The following UNC13C variants were observed in gnomAD, a reference collection of about 807,000 sequenced individuals.
UNC13C encodes the protein unc-13 homolog C, also known as protein unc-13 homolog C.
A neutral mutation model predicts 245.4 loss-of-function variants in UNC13C; 174 were observed. The ratio of observed to expected loss-of-function variants is 0.71; its 90% CI spans 0.63 to 0.80. The LOEUF (loss-of-function observed/expected upper bound fraction) is 0.80. Ranked by LOEUF, UNC13C falls within the 30% of genes least tolerant of loss-of-function variation. The pLI is 0.00. For missense variants in UNC13C, 2,829 were observed against 2,602.9 expected, an observed-to-expected ratio of 1.09 and a Z score of -1.89; for synonymous variants, 992 against 895.1, an observed-to-expected ratio of 1.11 and a Z score of -1.93.
intron 2 of UNC13C, among the ~76,000 whole-genome samples, chr15:54,046,877 T>C (rs533641828): frequency 6.2e-4 from 94 of 151,792 alleles, no homozygotes; most frequent in African/African-American, 2.2e-3. Context: ...AAAAGAAACA[T>C]GTTAAAAATA....
intron 18 of UNC13C, among the ~76,000 whole-genome samples, chr15:54,402,022 C>A (rs2040197234): frequency 6.7e-6 from 1 of 149,838 alleles, no homozygotes; most frequent in African/African-American, 2.5e-5. Context: ...TGAAATGACA[C>A]ATGTATTTCA....
intron 19 of UNC13C, among the ~76,000 whole-genome samples, chr15:54,415,942 A>G (rs1017503944): frequency 6.6e-6 from 1 of 152,214 alleles, no homozygotes; most frequent in Non-Finnish European, 1.5e-5. Flanking sequence ...TGTAACTTTG[A>G]TAAAGACCTA....
At chr15:54,582,522 C>T (rs989995204) in intron 30 of UNC13C, among the ~76,000 whole-genome samples, 1 of 152,060 alleles carries the variant, frequency 6.6e-6, no homozygotes, top group Non-Finnish European at 1.5e-5. Context: ...AGAGGATAAA[C>T]GAAGTCACAG....
At chr15:54,108,054 C>CT (rs566147519) in intron 2 of UNC13C, among the ~76,000 whole-genome samples, 1 of 152,124 alleles carries the variant, frequency 6.6e-6, no homozygotes, top group Non-Finnish European at 1.5e-5. Flanking sequence ...TTTCAAGTGT[C>CT]TAACAATATA....
At chr15:54,181,046 G>A (rs1223771805) in intron 4 of UNC13C, among the ~76,000 whole-genome samples, 2 of 151,816 alleles carry the variant, frequency 1.3e-5, no homozygotes, top group Non-Finnish European at 2.9e-5. Flanking sequence ...TGCTTTTGAG[G>A]ACTTAGTCAT....
rs190453293 is a variant in UNC13C, at chr15:54,013,028, A to G, written c.125A>G (p.Gln42Arg). ...GAGTATCGTCAGCAGAAAAAGGATC[A>G]AGACTTCCCCACTGCTGGCCAGACC... ...NKEYRQQKKD[Q>R]DFPTAGQTKS... The change falls in exon 2 of 33, where the codon CAA becomes CGA. Residue 42 changes from glutamine (Q) to arginine (R), a missense_variant. Transcript: ENST00000260323. 163 of 1,613,886 alleles carry G rather than the reference A, an allele frequency of 1.0e-4. No homozygotes were observed. The highest frequency in any genetic ancestry group is 1.3e-4 in the Non-Finnish European group (158 of 1,179,846).
At chr15:54,101,248 CAG>C (rs1413274696) in intron 2 of UNC13C, among the ~76,000 whole-genome samples, 11 of 152,014 alleles carry the variant, frequency 7.2e-5, no homozygotes, top group African/African-American at 2.2e-4. Flanking sequence ...GCTGGTAGCA[CAG>C]AGACAGAATA....
At chr15:54,343,091 G>T (rs2038772934) in intron 17 of UNC13C, among the ~76,000 whole-genome samples, 2 of 151,292 alleles carry the variant, frequency 1.3e-5, no homozygotes, top group African/African-American at 4.9e-5. Flanking sequence ...TTACCTAAAG[G>T]CTAAGATTGA....
the UNC13C span, among the ~76,000 whole-genome samples, chr15:53,876,795 A>C: frequency 6.6e-6 from 1 of 152,232 alleles, no homozygotes; most frequent in African/African-American, 2.4e-5. Context: ...ATAAAAAACA[A>C]CATAGTAACT....
At position 54,381,394 on chromosome 15, in the gene UNC13C, C is replaced by CT. The variant is rs756548006; in HGVS notation, c.4714-11646dup. Among the ~76,000 whole-genome samples the CT allele has an allele frequency of 7.3e-4, 110 of 151,106 alleles. No individual in the cohort carries two copies. In the East Asian group the frequency reaches 0.017, roughly 23 times the overall value. On this transcript the variant is annotated intron_variant, in intron 17 of 32. Coordinates refer to ENST00000260323, the MANE Select transcript of UNC13C (RefSeq NM_001080534.3). ...AAGTCAGGTAGTGTGATGCCTCCAG[C>CT]TTTTTTTTCTTTTTTTACACAAAAT...
At chr15:54,054,954 C>A (rs144582054) in intron 2 of UNC13C, among the ~76,000 whole-genome samples, 28 of 152,258 alleles carry the variant, frequency 1.8e-4, no homozygotes, top group African/African-American at 6.3e-4. Context: ...ATTGTTGTAA[C>A]ATCTGAATCA....
chr15:54,116,401 C>T (rs1177217120), intron 2 of UNC13C, among the ~76,000 whole-genome samples: 1 of 152,010 alleles, frequency 6.6e-6, no homozygotes, highest in Non-Finnish European at 1.5e-5. Flanking sequence ...TATTTGTGCC[C>T]ACTAATCAGC....
chr15:54,300,394 A>G, intron 13 of UNC13C, 21 bp downstream of exon 13: 1 of 1,551,838 alleles, frequency 6.4e-7, no homozygotes, highest in East Asian at 2.4e-5. Context: ...CAGAACATTT[A>G]CATGGTCAAT....
At chr15:54,033,614 C>T (rs1896456412) in intron 2 of UNC13C, among the ~76,000 whole-genome samples, 1 of 152,130 alleles carries the variant, frequency 6.6e-6, no homozygotes, top group Non-Finnish European at 1.5e-5. Flanking sequence ...GAATAAAATC[C>T]CCTAAAGTTT....
chr15:54,101,925 G>C (rs1250247972), intron 2 of UNC13C, among the ~76,000 whole-genome samples: 1 of 151,598 alleles, frequency 6.6e-6, no homozygotes. Flanking sequence ...GAGAGCCAAA[G>C]AACAGATTTC....
chr15:54,274,033 A>C (rs1345952823), intron 10 of UNC13C, among the ~76,000 whole-genome samples: 3 of 152,172 alleles, frequency 2.0e-5, no homozygotes, highest in Non-Finnish European at 4.4e-5. Context: ...TGTTACAGAC[A>C]CTGAGGTAAA....
chr15:53,999,038 G>C (rs1038071729), intron 1 of UNC13C, among the ~76,000 whole-genome samples: 71 of 151,996 alleles, frequency 4.7e-4, no homozygotes, highest in African/African-American at 1.6e-3. Context: ...CTACGTTCAT[G>C]AGGGATACTA....
chr15:54,604,967 TG>T (rs1348618025), intron 30 of UNC13C, among the ~76,000 whole-genome samples: 7 of 152,094 alleles, frequency 4.6e-5, no homozygotes, highest in Non-Finnish European at 1.5e-5. Context: ...AAAGTACAAC[TG>T]GGGGAAAAAA....
chr15:54,001,924 C>T (rs1196672003), intron 1 of UNC13C, among the ~76,000 whole-genome samples: 1 of 152,210 alleles, frequency 6.6e-6, no homozygotes. Context: ...GATGCAAATG[C>T]TCCGTGATTT....
Sources: gnomAD v4.1 joint callset for allele counts (sites outside exome capture counted in the v4.1 genomes callset) on GRCh38, gnomAD v4.1.1 for gene constraint, MANE v1.5 for transcripts, NCBI Gene and HGNC (gene_info 2026-07-23, HGNC 2026-07-21) for gene names.